The following YTHDF3 variants were observed in gnomAD, a reference collection of about 807,000 sequenced individuals.
The protein encoded by YTHDF3 is YTH N6-methyladenosine RNA binding protein F3.
A neutral mutation model predicts 52.5 loss-of-function variants in YTHDF3; 9 were observed. The ratio of observed to expected loss-of-function variants is 0.17; its 90% CI spans 0.10 to 0.30. YTHDF3 has a LOEUF of 0.30. Among genes scored for constraint, YTHDF3 ranks in the 10% least tolerant of loss-of-function variants. The probability of loss-of-function intolerance (pLI) is 1.00; values close to 1 mark genes in which losing one functional copy is unlikely to be tolerated. For missense variants in YTHDF3, 534 were observed against 715.0 expected (o/e 0.75, Z 2.89); for synonymous variants, 274 against 243.3 (o/e 1.13, Z -1.18).
chr8:63,200,184 T>TACATA (rs1809513367), intron 4 of YTHDF3, among the ~76,000 whole-genome samples: 1 of 152,184 alleles, frequency 6.6e-6, no homozygotes, highest in Non-Finnish European at 1.5e-5. Context: ...ACTAAGAGCC[T>TACATA]CAGTTCCTTT....
intron 3 of YTHDF3, among the ~76,000 whole-genome samples, chr8:63,179,479 A>G (rs1379691836): frequency 6.6e-6 from 1 of 152,134 alleles, no homozygotes; most frequent in African/African-American, 2.4e-5. Flanking sequence ...CACCGCTCTT[A>G]ATCCATTCAA....
At chr8:63,180,328 C>CAA (rs1233350426) in intron 3 of YTHDF3, among the ~76,000 whole-genome samples, 2 of 151,540 alleles carry the variant, frequency 1.3e-5, no homozygotes, top group Admixed American at 1.3e-4. Context: ...CCCCACATCT[C>CAA]AGACGATGGG....
intron 4 of YTHDF3, among the ~76,000 whole-genome samples, chr8:63,199,014 G>GA (rs1554539529): frequency 2.0e-5 from 3 of 150,696 alleles, no homozygotes; most frequent in African/African-American, 7.3e-5. Context: ...TAAAAACATT[G>GA]GTATTTTGAA....
chr8:63,188,695 ATATATATTTTT>A (rs1484064771), intron 4 of YTHDF3: 6 of 65,888 alleles, frequency 9.1e-5, no homozygotes, highest in African/African-American at 4.0e-4. Context: ...ATATATATAT[ATATATATTTTT>A]TTTTTTTTTT....
Position 63,209,743 on chromosome 8 carries a change from C to T in YTHDF3, c.*37C>T, listed in dbSNP as rs749806210. The T allele has an allele frequency of 7.1e-6, 11 of 1,547,244 alleles. No individual in the cohort carries two copies. The East Asian group carries it at 1.1e-4, about 16-fold the overall frequency. On this transcript the variant is annotated 3_prime_UTR_variant, in exon 5 of 5. Transcript: ENST00000539294. ...TGTCCTGTTAAATTTACAACACTAA[C>T]GATGTAGACTCTGGAAATGCCTAAT...
intron 4 of YTHDF3, among the ~76,000 whole-genome samples, chr8:63,197,776 G>A (rs981514547): frequency 1.3e-4 from 20 of 152,050 alleles, no homozygotes; most frequent in Non-Finnish European, 1.5e-5. Flanking sequence ...GAAGGGAAAA[G>A]AAAAAGAACT....
At chr8:63,172,400 C>T (rs1487754096) in intron 2 of YTHDF3, among the ~76,000 whole-genome samples, 1 of 152,116 alleles carries the variant, frequency 6.6e-6, no homozygotes, top group Non-Finnish European at 1.5e-5. Flanking sequence ...TCTCTTCCAA[C>T]GGAGAGACGT....
intron 2 of YTHDF3, among the ~76,000 whole-genome samples, chr8:63,173,896 T>C (rs1360977698): frequency 6.6e-6 from 1 of 152,202 alleles, no homozygotes; most frequent in Admixed American, 6.5e-5. Flanking sequence ...TTCAGGTTGC[T>C]TCTTGTGGCC....
At chr8:63,175,249 T>C in intron 2 of YTHDF3, 82 bp from the exon 3 acceptor site, 1 of 1,056,966 alleles carries the variant, frequency 9.5e-7, no homozygotes, top group Non-Finnish European at 1.4e-6. Flanking sequence ...TTTTTTTGGC[T>C]TGAAAAATAT....
chr8:63,205,730 G>A (rs542119168), intron 4 of YTHDF3, among the ~76,000 whole-genome samples: 1 of 152,202 alleles, frequency 6.6e-6, no homozygotes, highest in African/African-American at 2.4e-5. Flanking sequence ...CACTGCACCC[G>A]GTAGCTCATC....
chr8:63,209,789 A>G lies in YTHDF3; in HGVS notation c.*83A>G. On this transcript the variant is annotated 3_prime_UTR_variant, in exon 5 of 5. Transcript: ENST00000539294. Reference sequence around the variant, plus strand: ...CTAATAAGTCAAAGAAGACGTATTAAAGCTCTTTTCTGCTTAAGGTGACAT... The same window carrying G: ...CTAATAAGTCAAAGAAGACGTATTAGAGCTCTTTTCTGCTTAAGGTGACAT... 7.3e-7 allele frequency: 1 copy of G among 1,373,144 alleles called. No individual in the cohort carries two copies. The highest frequency in any genetic ancestry group is 9.9e-7 in the Non-Finnish European group (1 of 1,015,206). The allele number at this position is 1,373,144 out of a possible 1,614,324, so 85.1% of individuals were successfully genotyped here.
intron 4 of YTHDF3, among the ~76,000 whole-genome samples, chr8:63,207,619 G>C (rs934270619): frequency 2.0e-5 from 3 of 152,072 alleles, no homozygotes; most frequent in Non-Finnish European, 4.4e-5. Flanking sequence ...TTCATTTAAA[G>C]TACATAGTTG....
chr8:63,198,303 G>T (rs1222373001), intron 4 of YTHDF3, among the ~76,000 whole-genome samples: 1 of 151,034 alleles, frequency 6.6e-6, no homozygotes, highest in Admixed American at 6.6e-5. Flanking sequence ...GCCTTGCTCT[G>T]TTGCCCAGGC....
rs1486882432 is a variant in YTHDF3 at position 63,186,144 on chromosome 8, C to T, written c.136-3C>T. 1 of 1,593,018 alleles carries T rather than the reference C, an allele frequency of 6.3e-7. No individual in the cohort carries two copies. Among genetic ancestry groups the T allele is most frequent in the Non-Finnish European group, 8.6e-7 (1 of 1,165,476 alleles). ...CTACTGATTGTGATATTTTGTTTTG[C>T]AGAGTAACAGCTATCCACCAATGTC... On this transcript the variant is annotated splice_polypyrimidine_tract_variant and splice_region_variant and intron_variant, in intron 3 of 4. Coordinates refer to ENST00000539294, the MANE Select transcript of YTHDF3 (RefSeq NM_152758.6).
chr8:63,191,257 C>A (rs1808895057), intron 4 of YTHDF3, among the ~76,000 whole-genome samples: 1 of 152,132 alleles, frequency 6.6e-6, no homozygotes, highest in South Asian at 2.1e-4. Flanking sequence ...CTGCAGGCCA[C>A]TTTTTTCTAT....
intron 2 of YTHDF3, among the ~76,000 whole-genome samples, 181 bp from the exon 3 acceptor site, chr8:63,175,144 TTTTAAG>T (rs1807599443): frequency 6.6e-6 from 1 of 152,112 alleles, no homozygotes; most frequent in Non-Finnish European, 1.5e-5. Flanking sequence ...ATCAAAAGAC[TTTTAAG>T]TTTTTGTGGC....
chr8:63,183,503 G>A (rs1808293273), intron 3 of YTHDF3, among the ~76,000 whole-genome samples: 1 of 152,030 alleles, frequency 6.6e-6, no homozygotes, highest in Non-Finnish European at 1.5e-5. Context: ...ACTATTGTTG[G>A]TGTATTTGAA....
At chr8:63,194,311 C>A (rs912252854) in intron 4 of YTHDF3, among the ~76,000 whole-genome samples, 8 of 151,676 alleles carry the variant, frequency 5.3e-5, no homozygotes, top group African/African-American at 1.5e-4. Context: ...TGTTGAAACC[C>A]CTTTTCTACT....
At chr8:63,175,118 A>G (rs1807597590) in intron 2 of YTHDF3, among the ~76,000 whole-genome samples, 1 of 152,148 alleles carries the variant, frequency 6.6e-6, no homozygotes, top group South Asian at 2.1e-4. Context: ...GTGTTTATGT[A>G]ATCTTGGGCT....
Sources: gnomAD v4.1 joint callset for allele counts (sites outside exome capture counted in the v4.1 genomes callset) on GRCh38, gnomAD v4.1.1 for gene constraint, MANE v1.5 for transcripts, NCBI Gene and HGNC (gene_info 2026-07-23, HGNC 2026-07-21) for gene names.